Variants in ADAMTS10 observed in about 807,000 individuals in gnomAD.
The protein encoded by ADAMTS10 is A disintegrin and metalloproteinase with thrombospondin motifs 10.
Under a neutral mutation model 135.9 loss-of-function variants are expected in ADAMTS10, and 48 were observed. The ratio of observed to expected loss-of-function variants is 0.35; its 90% CI spans 0.28 to 0.45. ADAMTS10 has a LOEUF of 0.45. Ranked by LOEUF, ADAMTS10 falls within the 20% of genes least tolerant of loss-of-function variation. The pLI is 1.00. For missense variants in ADAMTS10, 1,131 were observed against 1,565.2 expected (o/e 0.72, Z 4.68); for synonymous variants, 621 against 647.5 (o/e 0.96, Z 0.62).
rs563421387 is a variant in ADAMTS10 at position 8,589,206 on chromosome 19, T to C, written c.2158+36A>G. The C allele has an allele frequency of 1.3e-5, 21 of 1,611,364 alleles. No homozygotes were observed. In the South Asian group the frequency reaches 2.3e-4, roughly 18 times the overall value. ...GTTCCACCTGCAGTCAGCTGGCCCA[T>C]GCAGGGAGTGTGGGAGGGAAGCTGG... On this transcript the variant is annotated intron_variant, in intron 18 of 25. Transcript: ENST00000597188.
rs367906215 is a variant in ADAMTS10 at position 8,596,456 on chromosome 19, C to T, written c.1085-44G>A. On this transcript the variant is annotated intron_variant, in intron 9 of 25. Transcript: ENST00000597188. This position sits in a 1 kb window ranked among gnomAD's most constrained non-coding sequence, Gnocchi z 7.2. ...GGGGATGGGGCTGGGAGGCTCAGGA[C>T]GGTGCTGGCTGGCCCCATCCACCTG... 157 of 1,612,936 alleles carry T rather than the reference C, an allele frequency of 9.7e-5. No individual in the cohort carries two copies. Among genetic ancestry groups the T allele is most frequent in the Non-Finnish European group, 1.2e-4 (139 of 1,179,320 alleles).
chr19:8,588,949 G>A (rs990230140), intron 18 of ADAMTS10, among the ~76,000 whole-genome samples: 3 of 151,956 alleles, frequency 2.0e-5, no homozygotes, highest in African/African-American at 7.3e-5. Context: ...TCGCCACCAC[G>A]CCCAGCTAAT....
At chr19:8,582,357 A>C (rs2042365012) in intron 25 of ADAMTS10, among the ~76,000 whole-genome samples, 1 of 152,040 alleles carries the variant, frequency 6.6e-6, no homozygotes. Context: ...AGTCCCAGCT[A>C]TTCAGGAGGC....
chr19:8,592,145 G>T (rs1555739139), intron 13 of ADAMTS10, 42 bp from the exon 14 acceptor site: 13 of 1,612,972 alleles, frequency 8.1e-6, no homozygotes, highest in Middle Eastern at 1.7e-4. Flanking sequence ...CAGCCCGGAG[G>T]ACACTCGTCG....
Position 8,591,946 on chromosome 19 carries a change from C to T in ADAMTS10, c.1733+12G>A, listed in dbSNP as rs1161880355. The T allele has an allele frequency of 1.9e-6, 3 of 1,612,346 alleles. No homozygotes were observed. The highest frequency in any genetic ancestry group is 2.5e-6 in the Non-Finnish European group (3 of 1,179,724). On this transcript the variant is annotated intron_variant, in intron 14 of 25. Coordinates refer to ENST00000597188, the MANE Select transcript of ADAMTS10 (RefSeq NM_030957.4). ...CGCGCTGCCCTCCCGGGTGGGGGTC[C>T]TGAGGGCTGACCTGGGGCTGTCGCA...
intron 16 of ADAMTS10, 42 bp from the exon 17 acceptor site, chr19:8,589,627 C>T (rs782810551): frequency 2.9e-5 from 47 of 1,611,358 alleles, no homozygotes; most frequent in East Asian, 6.7e-5. Flanking sequence ...CAGGCCACCC[C>T]GGAACTCTTT....
intron 5 of ADAMTS10, among the ~76,000 whole-genome samples, chr19:8,602,365 C>G (rs2042677337): frequency 6.6e-6 from 1 of 152,204 alleles, no homozygotes; most frequent in Non-Finnish European, 1.5e-5. Flanking sequence ...GTCGCCCAGG[C>G]TGGAGTGCAA....
rs782451488 is a variant in ADAMTS10, at chr19:8,605,348, C to T, written c.99G>A (p.Leu33=). 3 of 1,601,126 alleles carry T rather than the reference C, an allele frequency of 1.9e-6. No individual in the cohort carries two copies. Among genetic ancestry groups the T allele is most frequent in the South Asian group, 1.1e-5 (1 of 89,142 alleles). ...CGATCTCATAGCTCTCCAGACTGGA[C>T]AGGAACTCATCTGTGGGTGAGGGTC... ...THAFRSQDEF[L]SSLESYEIAF... Residue 33 remains leucine (L), a synonymous_variant, in exon 4 of 26, where the codon CTG becomes CTA. Coordinates refer to ENST00000597188, the MANE Select transcript of ADAMTS10 (RefSeq NM_030957.4). The surrounding 1 kb of genome is among the most constrained non-coding windows in gnomAD (Gnocchi z 7.7).
rs782011768 is a variant in ADAMTS10 at position 8,596,410 on chromosome 19, G to A, written c.1087C>T (p.Leu363=). Residue 363 remains leucine (L), a splice_region_variant and synonymous_variant, in exon 10 of 26, where the codon CTG becomes TTG. Coordinates refer to ENST00000597188, the MANE Select transcript of ADAMTS10 (RefSeq NM_030957.4). This position sits in a 1 kb window ranked among gnomAD's most constrained non-coding sequence, Gnocchi z 7.2. ...YKNKPCGTLG[L]APVGGMCERE... ...TCACACATTCCGCCCACCGGGGCCAGGCCTGGGAAGACGGACATGTGGGGA... is the reference window on the plus strand; with the variant it reads ...TCACACATTCCGCCCACCGGGGCCAAGCCTGGGAAGACGGACATGTGGGGA... The A allele has an allele frequency of 1.8e-5, 29 of 1,613,724 alleles. No homozygotes were observed. The highest frequency in any genetic ancestry group is 2.7e-5 in the African/African-American group (2 of 75,070).
intron 18 of ADAMTS10, among the ~76,000 whole-genome samples, chr19:8,587,979 T>G (rs1200928650): frequency 6.8e-6 from 1 of 146,114 alleles, no homozygotes; most frequent in East Asian, 2.1e-4. Context: ...CCGGGTGTGG[T>G]GGCTCACACC....
Position 8,605,164 on chromosome 19 carries a change from A to G in ADAMTS10, c.283T>C (p.Ser95Pro). ...GAGACGTGCCCTGCCAGTAGACGGGAGCTGCGGGTCAGGTTCAGCAGGAAG... is the reference window on the plus strand; with the variant it reads ...GAGACGTGCCCTGCCAGTAGACGGGGGCTGCGGGTCAGGTTCAGCAGGAAG... ...THFLLNLTRS[S>P]RLLAGHVSVE... The change falls in exon 4 of 26, where the codon TCC (serine) becomes CCC (proline). Residue 95 changes from serine (S) to proline (P), a missense_variant. Ser to Pro is a moderately conservative substitution (Grantham distance 74). Around this residue, in one of 3 missense-constraint regions of ADAMTS10, gnomAD observed 306 missense variants for 344.4 expected, o/e 0.89. Transcript: ENST00000597188. The surrounding 1 kb of genome is among the most constrained non-coding windows in gnomAD (Gnocchi z 7.7). The G allele has an allele frequency of 1.2e-6, 2 of 1,613,942 alleles. No homozygotes were observed. Among genetic ancestry groups the G allele is most frequent in the East Asian group, 2.2e-5 (1 of 44,860 alleles).
Position 8,586,591 on chromosome 19 carries a change from G to A in ADAMTS10, c.2370C>T (p.Ala790=), listed in dbSNP as rs147238458. 69 of 1,613,962 alleles carry A rather than the reference G, an allele frequency of 4.3e-5. No individual in the cohort carries two copies. Among genetic ancestry groups the A allele is most frequent in the Admixed American group, 2.3e-4 (14 of 60,008 alleles). ...QGPDQVQSLE[A]LGPINASLIV... ...TGAGAGATGCATTAATCGGTCCCAG[G>A]GCTTCGAGGCTCTGGACCTGGTCTG... is the stretch of plus-strand genomic sequence containing the variant. The change falls in exon 20 of 26, where the codon GCC becomes GCT. Residue 790 remains alanine (A), a synonymous_variant. Transcript: ENST00000597188.
chr19:8,601,029 G>C lies in ADAMTS10; in HGVS notation c.709C>G (p.Arg237Gly). The change falls in exon 6 of 26, where the codon CGA becomes GGA. Residue 237 changes from arginine to glycine, a missense_variant. Arg to Gly is a moderately radical substitution (Grantham distance 125). Transcript: ENST00000597188. The surrounding 1 kb of genome is among the most constrained non-coding windows in gnomAD (Gnocchi z 4.6). ...ACCAGGGTCTCCACGTAGCGCTCTC[G>C]GCTGACCGATCGCTTCAGGCCTGGC... ...GQPGLKRSVSRERYVETLVVA... is the reference protein window; with the variant it reads ...GQPGLKRSVSGERYVETLVVA... 6.2e-7 allele frequency: 1 copy of C among 1,614,142 alleles called. No individual in the cohort carries two copies. The highest frequency in any genetic ancestry group is 8.5e-7 in the Non-Finnish European group (1 of 1,180,034).
intron 1 of ADAMTS10, among the ~76,000 whole-genome samples, chr19:8,609,567 G>C (rs1555743153): frequency 6.6e-6 from 1 of 152,100 alleles, no homozygotes; most frequent in African/African-American, 2.4e-5. Flanking sequence ...CATCTGGCCG[G>C]GCCGGCAGGA....
At position 8,603,891 on chromosome 19, in the gene ADAMTS10, T is replaced by G; in HGVS notation, c.436-7A>C. ...CTGCCACGATCAGGCCGTGCTGGGT[T>G]TTGAGAAGTGGGATAGAAAGCTCTC... On this transcript the variant is annotated splice_region_variant and splice_polypyrimidine_tract_variant and intron_variant, in intron 4 of 25. Transcript: ENST00000597188. 1.2e-6 allele frequency: 2 copies of G among 1,601,430 alleles called. No homozygotes were observed. The highest frequency in any genetic ancestry group is 1.7e-6 in the Non-Finnish European group (2 of 1,170,804).
chr19:8,595,485 G>T (rs2042591423), intron 12 of ADAMTS10: 2 of 481,682 alleles, frequency 4.2e-6, no homozygotes, highest in Admixed American at 3.2e-5. Context: ...GGTGTGATGT[G>T]CCAGACAGAA....
Position 8,601,574 on chromosome 19 carries a change from C to A in ADAMTS10, c.593-429G>T, listed in dbSNP as rs530935855. On this transcript the variant is annotated intron_variant, in intron 5 of 25. Coordinates refer to ENST00000597188, the MANE Select transcript of ADAMTS10 (RefSeq NM_030957.4). This position sits in a 1 kb window ranked among gnomAD's most constrained non-coding sequence, Gnocchi z 4.6. ...ACTGCATTTCACCATGTTGGCCAGG[C>A]TGGTCTCGAACTCCTGACCTCAAGT... Among the ~76,000 whole-genome samples the A allele has an allele frequency of 6.6e-6, 1 of 152,110 alleles. No individual in the cohort carries two copies. Among genetic ancestry groups the A allele is most frequent in the African/African-American group, 2.4e-5 (1 of 41,516 alleles).
At chr19:8,588,557 C>T (rs1423383057) in intron 18 of ADAMTS10, among the ~76,000 whole-genome samples, 2 of 152,178 alleles carry the variant, frequency 1.3e-5, no homozygotes, top group African/African-American at 2.4e-5. Flanking sequence ...GCCTCCTCCC[C>T]TCTTGCCCAC....
chr19:8,595,792 A>C lies in ADAMTS10; in HGVS notation c.1449T>G (p.His483Gln), dbSNP rs781894690. Residue 483 changes from histidine to glutamine, a missense_variant, in exon 12 of 26, where the codon CAT (histidine) becomes CAG (glutamine). Around this residue, in one of 3 missense-constraint regions of ADAMTS10, gnomAD observed 745 missense variants for 1,056.3 expected, o/e 0.71. Coordinates refer to ENST00000597188, the MANE Select transcript of ADAMTS10 (RefSeq NM_030957.4). ...ATTTACACTGACGCGATTTGACTCC[A>C]TGCTGAAAGCGGCATTGCTCATCTG... ...YDADEQCRFQ[H>Q]GVKSRQCKYG... is the part of the protein sequence containing the mutation. The C allele has an allele frequency of 4.3e-6, 7 of 1,611,576 alleles. No individual in the cohort carries two copies. The highest frequency in any genetic ancestry group is 5.9e-6 in the Non-Finnish European group (7 of 1,178,638).
Sources: gnomAD v4.1 joint callset for allele counts (sites outside exome capture counted in the v4.1 genomes callset) on GRCh38, gnomAD v4.1.1 for gene constraint, gnomAD v4.1.1 regional missense constraint, Gnocchi (gnomAD v3.1) non-coding constraint, MANE v1.5 for transcripts, NCBI Gene and HGNC (gene_info 2026-07-23, HGNC 2026-07-21) for gene names.